TTC29: variants seen among roughly 807,000 people sequenced by gnomAD.
TTC29 encodes tetratricopeptide repeat protein 29.
Under a neutral mutation model 58.1 loss-of-function variants are expected in TTC29, and 49 were observed. The observed-to-expected ratio is 0.84, with a 90% CI of 0.67 to 1.07. The LOEUF (loss-of-function observed/expected upper bound fraction) is 1.07, where lower values mean the gene tolerates loss of function less well. TTC29 is among the 50% of genes least tolerant of loss of function. The pLI is 0.00. For missense variants in TTC29, 582 were observed against 555.6 expected (o/e 1.05, Z -0.48); for synonymous variants, 209 against 196.8 (o/e 1.06, Z -0.52).
At chr4:146,726,750 G>A (rs897845108) in intron 11 of TTC29, among the ~76,000 whole-genome samples, 2 of 152,052 alleles carry the variant, frequency 1.3e-5, no homozygotes, top group Admixed American at 6.6e-5. Flanking sequence ...TTTGAACTTG[G>A]AAGAGTAACT....
intron 11 of TTC29, among the ~76,000 whole-genome samples, chr4:146,750,083 C>T (rs1745865828): frequency 6.6e-6 from 1 of 152,144 alleles, no homozygotes; most frequent in South Asian, 2.1e-4. Context: ...TCTCGGCTCA[C>T]TGCAAGCTCT....
chr4:146,714,519 A>C (rs1451419527), intron 11 of TTC29, among the ~76,000 whole-genome samples: 1 of 152,022 alleles, frequency 6.6e-6, no homozygotes, highest in Non-Finnish European at 1.5e-5. Flanking sequence ...AATTTTCTAA[A>C]ATTGCTGAAG....
At chr4:146,817,283 G>C (rs561350449) in intron 10 of TTC29, among the ~76,000 whole-genome samples, 119 of 152,070 alleles carry the variant, frequency 7.8e-4, no homozygotes, top group African/African-American at 2.7e-3. Context: ...TCTTATACAC[G>C]AATAACAGAC....
intron 11 of TTC29, among the ~76,000 whole-genome samples, chr4:146,717,809 T>C (rs537749798): frequency 6.6e-6 from 1 of 152,232 alleles, no homozygotes; most frequent in African/African-American, 2.4e-5. Flanking sequence ...ACTGACTATA[T>C]TTACCATGAT....
chr4:146,894,494 C>G (rs887179719), intron 6 of TTC29, among the ~76,000 whole-genome samples: 1 of 137,044 alleles, frequency 7.3e-6, no homozygotes, highest in Non-Finnish European at 1.5e-5. Flanking sequence ...AACATGTGGA[C>G]ACAGGAAGGG....
In TTC29 at chr4:146,942,603, CTT is replaced by C. The variant is rs750793186; in HGVS notation, c.-7+2426_-7+2427del. On this transcript the variant is annotated intron_variant, in intron 2 of 12. Coordinates refer to ENST00000325106, the MANE Select transcript of TTC29 (RefSeq NM_031956.4). Reference sequence around the variant, plus strand: ...GCTTACTTCAGAGGAGCTGTGAAGACTTTTCCACAGAGTTCCAGAGTCTTCCA... The same window carrying C: ...GCTTACTTCAGAGGAGCTGTGAAGACTTCCACAGAGTTCCAGAGTCTTCCA... 1.7e-5 allele frequency: 26 copies of C among 1,533,514 alleles called. No homozygotes were observed. In the South Asian group the frequency reaches 2.2e-4, roughly 13 times the overall value. 95.0% of individuals were successfully genotyped at this position (1,533,514 alleles called of 1,614,324 possible). A position where few individuals can be genotyped will look rare whatever the true frequency, so the allele number is the denominator to read the frequency against.
chr4:146,865,131 A>C (rs995142493), intron 8 of TTC29, among the ~76,000 whole-genome samples: 1 of 152,182 alleles, frequency 6.6e-6, no homozygotes, highest in Non-Finnish European at 1.5e-5. Flanking sequence ...AACAGCTTCA[A>C]GTAAAGTAGT....
chr4:146,765,482 C>G (rs373007888), intron 11 of TTC29, among the ~76,000 whole-genome samples: 1 of 152,046 alleles, frequency 6.6e-6, no homozygotes, highest in Non-Finnish European at 1.5e-5. Flanking sequence ...ATTACAGGCA[C>G]GAGCCAACGC....
At chr4:146,795,101 A>G (rs1420563617) in intron 11 of TTC29, among the ~76,000 whole-genome samples, 1 of 152,164 alleles carries the variant, frequency 6.6e-6, no homozygotes, top group African/African-American at 2.4e-5. Context: ...TTTTGACTGA[A>G]GTTTAGAATG....
At chr4:146,744,415 G>A (rs906712722) in intron 11 of TTC29, among the ~76,000 whole-genome samples, 6 of 152,048 alleles carry the variant, frequency 3.9e-5, no homozygotes, top group Admixed American at 3.9e-4. Context: ...AAGGAGTGGG[G>A]TGGGAGGCAG....
rs151269794 is a variant in TTC29 at position 146,707,546 on chromosome 4, A to T, written c.1336T>A (p.Phe446Ile). The T allele has an allele frequency of 4.4e-6, 7 of 1,602,308 alleles. No homozygotes were observed. In the African/African-American group the frequency reaches 8.0e-5, roughly 18 times the overall value. ...NIEPDPVTEE[F>I]RGSTVEAVSQ... ...ACAGCTTCCACTGTGGATCCTCTAA[A>T]CTCTTCTAAAAAAAAAATACACAAA... is the stretch of plus-strand genomic sequence containing the variant. The change falls in exon 12 of 13, where the codon TTT (phenylalanine) becomes ATT (isoleucine). Residue 446 changes from phenylalanine to isoleucine, a missense_variant. Physicochemically the swap from Phe to Ile is conservative, Grantham distance 21 (BLOSUM62 0). Coordinates refer to ENST00000325106, the MANE Select transcript of TTC29 (RefSeq NM_031956.4).
chr4:146,872,618 G>T (rs1029311570), intron 7 of TTC29, among the ~76,000 whole-genome samples: 15 of 151,750 alleles, frequency 9.9e-5, no homozygotes, highest in African/African-American at 3.4e-4. Flanking sequence ...AAATGGCCAA[G>T]AAGCACATGA....
intron 5 of TTC29, among the ~76,000 whole-genome samples, chr4:146,904,975 T>C (rs1288912493): frequency 6.6e-6 from 1 of 152,186 alleles, no homozygotes; most frequent in Non-Finnish European, 1.5e-5. Flanking sequence ...AAATTAACAT[T>C]TATATCAAAA....
intron 4 of TTC29, among the ~76,000 whole-genome samples, chr4:146,934,868 G>A (rs1735651026): frequency 6.6e-6 from 1 of 152,134 alleles, no homozygotes; most frequent in South Asian, 2.1e-4. Flanking sequence ...GGGGTCATGG[G>A]TGACCCTAAA....
chr4:146,829,628 T>C (rs1728031856), intron 9 of TTC29, among the ~76,000 whole-genome samples: 1 of 152,176 alleles, frequency 6.6e-6, no homozygotes, highest in East Asian at 1.9e-4. Flanking sequence ...TTAAAGAATA[T>C]ATGAAAATTA....
Position 146,803,445 on chromosome 4 carries a change from C to T in TTC29, c.1330+12G>A, listed in dbSNP as rs546269653. 1.3e-6 allele frequency: 2 copies of T among 1,537,588 alleles called. No individual in the cohort carries two copies. The highest frequency in any genetic ancestry group is 4.7e-5 in the East Asian group (2 of 42,502). On this transcript the variant is annotated intron_variant, in intron 11 of 12. Coordinates refer to ENST00000325106, the MANE Select transcript of TTC29 (RefSeq NM_031956.4). ...TATGAAAACTAAAGTGTTCTAAAAA[C>T]CAATGCCTTACCAGTAACTGGATCA...
At chr4:146,933,014 C>T (rs1478206741) in intron 4 of TTC29, among the ~76,000 whole-genome samples, 2 of 150,696 alleles carry the variant, frequency 1.3e-5, no homozygotes, top group Non-Finnish European at 2.9e-5. Flanking sequence ...GCTGAGATCG[C>T]ACCACTGCAC....
At chr4:146,780,494 G>A (rs1320473245) in intron 11 of TTC29, among the ~76,000 whole-genome samples, 1 of 151,928 alleles carries the variant, frequency 6.6e-6, no homozygotes, top group African/African-American at 2.4e-5. Context: ...CTCTTCCAGG[G>A]ATCATGTGTC....
At chr4:146,791,753 G>T (rs1326944375) in intron 11 of TTC29, among the ~76,000 whole-genome samples, 1 of 152,136 alleles carries the variant, frequency 6.6e-6, no homozygotes, top group East Asian at 1.9e-4. Context: ...GCCAAGTTGT[G>T]AATACAAGAG....
Sources: gnomAD v4.1 joint callset for allele counts (sites outside exome capture counted in the v4.1 genomes callset) on GRCh38, gnomAD v4.1.1 for gene constraint, MANE v1.5 for transcripts, NCBI Gene and HGNC (gene_info 2026-07-23, HGNC 2026-07-21) for gene names.